The following DPH6 variants were observed in gnomAD, a reference collection of about 807,000 sequenced individuals.
The protein encoded by DPH6 is diphthamine biosynthesis 6.
In DPH6, 33 loss-of-function variants were observed where a neutral mutation model predicts 38.2. That is an observed-to-expected ratio of 0.86 (90% CI 0.65 to 1.15). DPH6 has a LOEUF of 1.15. Among genes scored for constraint, DPH6 ranks in the 50% most tolerant of loss-of-function variants. The pLI, the probability that DPH6 is intolerant of heterozygous loss-of-function variation, is 0.00. For missense variants in DPH6, 325 were observed against 320.0 expected, an observed-to-expected ratio of 1.02 and a Z score of -0.12; for synonymous variants, 108 against 103.0, an observed-to-expected ratio of 1.05 and a Z score of -0.30.
chr15:35,177,603 C>CAAAAA, the DPH6 span, among the ~76,000 whole-genome samples: 1 of 105,958 alleles, frequency 9.4e-6, no homozygotes, highest in Non-Finnish European at 1.8e-5. Flanking sequence ...AAAAAAAAAT[C>CAAAAA]ATCATCATCA....
In DPH6 at chr15:35,249,945, C is replaced by T. The variant is rs889733834; in HGVS notation, n.201-29363G>A. Among the ~76,000 whole-genome samples the T allele has an allele frequency of 1.3e-5, 2 of 151,960 alleles. 1 individual carries two copies. ...TTGGGAGGCCGAGGCAGGCGGATCA[C>T]GAGGTCAGGAGATCGAAACCATCCT... On this transcript the variant is annotated intron_variant and non_coding_transcript_variant, in intron 3 of 3. Transcript: ENST00000560386.
At chr15:35,210,160 T>C in the DPH6 span, among the ~76,000 whole-genome samples, 1 of 152,108 alleles carries the variant, frequency 6.6e-6, no homozygotes, top group Admixed American at 6.6e-5. Flanking sequence ...CCCAGTAAGA[T>C]ACAGGACTTC....
chr15:35,251,632 G>A (rs575841711), intron 3 of DPH6, among the ~76,000 whole-genome samples: 8 of 152,240 alleles, frequency 5.3e-5, no homozygotes, highest in East Asian at 1.9e-4. Flanking sequence ...TCACAGATAC[G>A]CTAGTCTCTC....
intron 3 of DPH6, among the ~76,000 whole-genome samples, chr15:35,346,669 T>C (rs116379500): frequency 6.6e-6 from 1 of 152,248 alleles, no homozygotes; most frequent in African/African-American, 2.4e-5. Context: ...TATTGTTAAA[T>C]TGTTGTTGTT....
intron 3 of DPH6, among the ~76,000 whole-genome samples, chr15:35,283,757 T>TACACACACACAC (rs3028682): frequency 0.019 from 2,640 of 140,532 alleles, 81 homozygotes; most frequent in African/African-American, 0.065. Context: ...GCACAGATAG[T>TACACACACACAC]ACACACACAC....
intron 1 of DPH6, among the ~76,000 whole-genome samples, 164 bp downstream of exon 1, chr15:35,545,955 G>C (rs893760617): frequency 6.7e-6 from 1 of 149,336 alleles, no homozygotes; most frequent in African/African-American, 2.4e-5. Context: ...GGCACATGCG[G>C]GCCGGCAACA....
chr15:35,182,218 G>C, the DPH6 span, among the ~76,000 whole-genome samples: 5 of 90,104 alleles, frequency 5.5e-5, no homozygotes, highest in East Asian at 9.0e-4. Context: ...ACAACTCTAA[G>C]AATTTTTTTT....
the DPH6 span, among the ~76,000 whole-genome samples, chr15:35,190,611 T>C: frequency 6.6e-6 from 1 of 152,246 alleles, no homozygotes; most frequent in Non-Finnish European, 1.5e-5. Flanking sequence ...TGTTTCAGAA[T>C]CTTGCAGCCT....
At chr15:35,289,926 G>T in intron 3 of DPH6, among the ~76,000 whole-genome samples, 1 of 152,114 alleles carries the variant, frequency 6.6e-6, no homozygotes, top group Middle Eastern at 3.2e-3. Context: ...TGGGAGTTCT[G>T]GTCTAATGCG....
intron 3 of DPH6, among the ~76,000 whole-genome samples, chr15:35,506,606 C>G (rs2054697932): frequency 6.6e-6 from 1 of 152,148 alleles, no homozygotes; most frequent in Admixed American, 6.6e-5. Context: ...GTGCTGGAAT[C>G]TCCAATTTAC....
At chr15:35,375,075 C>T (rs896032321) in intron 7 of DPH6, among the ~76,000 whole-genome samples, 1 of 152,048 alleles carries the variant, frequency 6.6e-6, no homozygotes, top group Non-Finnish European at 1.5e-5. Context: ...CTAATTCAGG[C>T]AGCTTGGTTT....
downstream of DPH6, among the ~76,000 whole-genome samples, chr15:35,329,711 C>A (rs1194464184): frequency 1.3e-5 from 2 of 152,092 alleles, no homozygotes; most frequent in Non-Finnish European, 2.9e-5. Context: ...CTTCAGATGA[C>A]AGCATCGTAA....
At chr15:35,413,004 A>ATTGTCT (rs1157635421) in intron 5 of DPH6, among the ~76,000 whole-genome samples, 1 of 151,472 alleles carries the variant, frequency 6.6e-6, no homozygotes, top group Non-Finnish European at 1.5e-5. Flanking sequence ...ATGATGTGTC[A>ATTGTCT]TTGTAAGTTC....
At position 35,538,251 on chromosome 15, in the gene DPH6, A is replaced by C. The variant is rs2055200757; in HGVS notation, c.312+23T>G. On this transcript the variant is annotated intron_variant, in intron 3 of 8. Transcript: ENST00000256538. ...TTAAATTACACACTAAATCCAATATACTTAATTGGTTACTCTGCATACCTT... is the reference window on the plus strand; with the variant it reads ...TTAAATTACACACTAAATCCAATATCCTTAATTGGTTACTCTGCATACCTT... 9 of 1,434,800 alleles carry C rather than the reference A, an allele frequency of 6.3e-6. No individual in the cohort carries two copies. The South Asian group carries it at 1.4e-4, about 22-fold the overall frequency. 88.9% of individuals were successfully genotyped at this position (1,434,800 alleles called of 1,614,324 possible).
chr15:35,164,762 G>T, the DPH6 span, among the ~76,000 whole-genome samples: 1 of 151,814 alleles, frequency 6.6e-6, no homozygotes, highest in Non-Finnish European at 1.5e-5. Context: ...ACTTTTGAAA[G>T]ATGTCCTCAT....
intron 3 of DPH6, among the ~76,000 whole-genome samples, chr15:35,471,916 C>T (rs2054203493): frequency 6.6e-6 from 1 of 151,924 alleles, no homozygotes; most frequent in Admixed American, 6.6e-5. Context: ...AAAAAAAGTG[C>T]ATGAGAAGAA....
At chr15:35,183,413 T>G in the DPH6 span, among the ~76,000 whole-genome samples, 8 of 152,236 alleles carry the variant, frequency 5.3e-5, no homozygotes, top group African/African-American at 1.9e-4. Context: ...GAATTCACTT[T>G]GATTTTTGAT....
At chr15:35,189,884 ACTTAGG>A in the DPH6 span, among the ~76,000 whole-genome samples, 4 of 152,326 alleles carry the variant, frequency 2.6e-5, no homozygotes, top group African/African-American at 9.6e-5. Context: ...AAATGAATGG[ACTTAGG>A]AAGCAGACAT....
At chr15:35,451,359 G>T (rs539404562) in intron 4 of DPH6, among the ~76,000 whole-genome samples, 1 of 152,118 alleles carries the variant, frequency 6.6e-6, no homozygotes, top group Non-Finnish European at 1.5e-5. Context: ...GTTTTGGAGT[G>T]AAGACACATC....
Sources: gnomAD v4.1 joint callset for allele counts (sites outside exome capture counted in the v4.1 genomes callset) on GRCh38, gnomAD v4.1.1 for gene constraint, MANE v1.5 for transcripts, NCBI Gene and HGNC (gene_info 2026-07-23, HGNC 2026-07-21) for gene names.